Variants in INPP4B observed in about 807,000 individuals in gnomAD.
INPP4B encodes inositol polyphosphate 4-phosphatase type II.
A neutral mutation model predicts 122.5 loss-of-function variants in INPP4B; 55 were observed. That is an observed-to-expected ratio of 0.45 (90% confidence interval 0.36 to 0.56). The LOEUF is 0.56. INPP4B is among the 20% of genes least tolerant of loss of function. The pLI is 0.00. For synonymous variants in INPP4B, 403 were observed against 388.7 expected (o/e 1.04, Z -0.43); for missense variants, 1,000 against 1,097.7 (o/e 0.91, Z 1.26).
intron 15 of INPP4B, among the ~76,000 whole-genome samples, chr4:142,175,946 G>T (rs886484029): frequency 1.3e-5 from 2 of 151,912 alleles, no homozygotes; most frequent in Non-Finnish European, 2.9e-5. Context: ...GAGTCATGTG[G>T]TCACTTCTAT....
At chr4:142,314,965 C>T (rs1322901646) in intron 7 of INPP4B, among the ~76,000 whole-genome samples, 2 of 152,144 alleles carry the variant, frequency 1.3e-5, no homozygotes, top group Non-Finnish European at 2.9e-5. Flanking sequence ...GACAGAGCTG[C>T]CTGGAACCTC....
chr4:142,584,723 T>C (rs1735800295), intron 2 of INPP4B, among the ~76,000 whole-genome samples: 1 of 152,148 alleles, frequency 6.6e-6, no homozygotes, highest in African/African-American at 2.4e-5. Flanking sequence ...TCTAAAGTTA[T>C]CCTTCTTTTC....
At chr4:142,203,458 T>A (rs941254881) in intron 14 of INPP4B, among the ~76,000 whole-genome samples, 9 of 152,046 alleles carry the variant, frequency 5.9e-5, no homozygotes, top group Admixed American at 3.9e-4. Flanking sequence ...TATTCACAAC[T>A]GATGTGCTGT....
intron 7 of INPP4B, among the ~76,000 whole-genome samples, chr4:142,323,443 CTTT>C (rs144904107): frequency 1.7e-5 from 2 of 120,044 alleles, no homozygotes; most frequent in African/African-American, 3.1e-5. Context: ...GTTATGATGA[CTTT>C]TTTTTTTTTT....
At chr4:142,697,799 A>T (rs905162235) in intron 2 of INPP4B, among the ~76,000 whole-genome samples, 5 of 152,168 alleles carry the variant, frequency 3.3e-5, no homozygotes, top group African/African-American at 1.2e-4. Flanking sequence ...AAAAGTTCTT[A>T]AATAGGGCCA....
At chr4:142,240,654 A>G (rs771156227) in intron 11 of INPP4B, among the ~76,000 whole-genome samples, 3 of 152,154 alleles carry the variant, frequency 2.0e-5, no homozygotes, top group Non-Finnish European at 4.4e-5. Context: ...TATCTTTATC[A>G]TTATCTCAAT....
chr4:142,084,785 T>G (rs1775930389), intron 24 of INPP4B, among the ~76,000 whole-genome samples: 1 of 152,182 alleles, frequency 6.6e-6, no homozygotes, highest in South Asian at 2.1e-4. Flanking sequence ...AATACACATT[T>G]GTGTTTATAC....
rs75972506 is a variant in INPP4B at position 142,586,429 on chromosome 4, A to G, written c.-190-123703T>C. On this transcript the variant is annotated intron_variant, in intron 2 of 25. Transcript: ENST00000262992. ...AGAGAGACAAAGGGTCTCAGAACCT[A>G]TTTGGAACCATATATTTTCCAAGTC... 2.7e-3 allele frequency among the ~76,000 whole-genome samples: 406 copies of G among 152,330 alleles called. 5 individuals are homozygous for G. Among genetic ancestry groups the G allele is most frequent in the East Asian group, 0.018 (93 of 5,172 alleles).
At chr4:142,600,468 G>C (rs758730208) in intron 2 of INPP4B, among the ~76,000 whole-genome samples, 22 of 152,092 alleles carry the variant, frequency 1.4e-4, no homozygotes, top group Admixed American at 1.4e-3. Flanking sequence ...GAAATGCTCA[G>C]GAGAATCCTA....
At chr4:142,667,223 C>T (rs1306583135) in intron 2 of INPP4B, among the ~76,000 whole-genome samples, 1 of 152,186 alleles carries the variant, frequency 6.6e-6, no homozygotes. Context: ...TTCTCAGTCC[C>T]TGCTGTATTT....
intron 25 of INPP4B, among the ~76,000 whole-genome samples, chr4:142,079,454 A>G (rs755981800): frequency 2.0e-5 from 3 of 152,048 alleles, no homozygotes; most frequent in Non-Finnish European, 2.9e-5. Flanking sequence ...AAAAAACTCA[A>G]CTGTAAAATA....
At chr4:142,079,129 C>T (rs566381630) in intron 25 of INPP4B, among the ~76,000 whole-genome samples, 1 of 152,020 alleles carries the variant, frequency 6.6e-6, no homozygotes, top group Non-Finnish European at 1.5e-5. Flanking sequence ...ATGATGATAA[C>T]TTAAACTACA....
At chr4:142,544,546 T>C (rs115922712) in intron 2 of INPP4B, among the ~76,000 whole-genome samples, 2 of 152,068 alleles carry the variant, frequency 1.3e-5, no homozygotes, top group Non-Finnish European at 2.9e-5. Context: ...ATTTTAAAAA[T>C]ATTTTCTAGA....
chr4:142,631,319 T>C (rs1467726481), intron 2 of INPP4B, among the ~76,000 whole-genome samples: 2 of 152,084 alleles, frequency 1.3e-5, no homozygotes, highest in Non-Finnish European at 2.9e-5. Context: ...TAGATGGGTT[T>C]AAAAGCAAAA....
rs10035027 is a variant in INPP4B, at chr4:142,210,164, T to A, written c.837-1138A>T. ...TGAAGCTTCTTTGCTATTTTGGCCA[T>A]GAAACATGCTAAATACCAAGCTAAT... On this transcript the variant is annotated intron_variant, in intron 12 of 25. Transcript: ENST00000262992. Among the ~76,000 whole-genome samples, 675 of 152,318 alleles carry A rather than the reference T, an allele frequency of 4.4e-3. 3 individuals are homozygous for A. Among genetic ancestry groups the A allele is most frequent in the African/African-American group, 0.015 (639 of 41,576 alleles).
chr4:142,309,621 C>A (rs949570804), intron 8 of INPP4B, among the ~76,000 whole-genome samples: 1 of 152,194 alleles, frequency 6.6e-6, no homozygotes, highest in Non-Finnish European at 1.5e-5. Context: ...GTCCAGCATT[C>A]TTTCATCCCC....
chr4:142,297,287 C>A (rs186431704), intron 9 of INPP4B, among the ~76,000 whole-genome samples: 1 of 152,186 alleles, frequency 6.6e-6, no homozygotes, highest in Non-Finnish European at 1.5e-5. Flanking sequence ...GTAAGCACGC[C>A]TTCCTTGGAT....
chr4:142,681,986 C>T (rs115378486), intron 2 of INPP4B, among the ~76,000 whole-genome samples: 159 of 151,934 alleles, frequency 1.0e-3, no homozygotes, highest in African/African-American at 3.7e-3. Context: ...TCCTCTTCAA[C>T]GTGCAAATTT....
At chr4:142,120,459 C>T (rs1424204958) in intron 21 of INPP4B, among the ~76,000 whole-genome samples, 1 of 152,118 alleles carries the variant, frequency 6.6e-6, no homozygotes, top group African/African-American at 2.4e-5. Context: ...AATCCATGAA[C>T]ACAGGCTGTC....
Sources: allele counts gnomAD v4.1 joint callset (sites outside exome capture counted in the v4.1 genomes callset), GRCh38; gene constraint gnomAD v4.1.1; transcripts MANE v1.5; gene names NCBI Gene and HGNC (gene_info 2026-07-23, HGNC 2026-07-21).